The following ATG4C variants were observed in gnomAD, a reference collection of about 807,000 sequenced individuals.
The protein encoded by ATG4C is cysteine protease ATG4C.
ATG4C carries 56 observed loss-of-function variants against 57.6 expected under a neutral mutation model. The observed-to-expected ratio is 0.97, with a 90% CI of 0.78 to 1.21. ATG4C has a LOEUF of 1.21. Ranked by LOEUF, ATG4C falls within the 50% of genes most tolerant of loss-of-function variation. The pLI is 0.00. For synonymous variants in ATG4C, 157 were observed against 174.1 expected (o/e 0.90, Z 0.78); for missense variants, 595 against 529.8 (o/e 1.12, Z -1.21).
In ATG4C at chr1:62,864,629, T is replaced by C. The variant is rs1666953114; in HGVS notation, c.*470T>C. 6.4e-6 allele frequency: 1 copy of C among 155,122 alleles called. No individual in the cohort carries two copies. Among genetic ancestry groups the C allele is most frequent in the Non-Finnish European group, 1.4e-5 (1 of 70,324 alleles). The allele number at this position is 155,122 out of a possible 1,614,324, so 9.6% of individuals were successfully genotyped here. A position where few individuals can be genotyped will look rare whatever the true frequency, so the allele number is the denominator to read the frequency against. On this transcript the variant is annotated 3_prime_UTR_variant, in exon 11 of 11. Coordinates refer to ENST00000317868, the MANE Select transcript of ATG4C (RefSeq NM_032852.4). ...CAATCAAAGAATACTTTTGCATATG[T>C]CTTGATAATTAAATAGTATTTGTTA...
chr1:62,818,452 G>A (rs560083981), intron 4 of ATG4C, among the ~76,000 whole-genome samples: 1 of 152,072 alleles, frequency 6.6e-6, no homozygotes, highest in South Asian at 2.1e-4. Context: ...CTTTATCTCA[G>A]CACTGTCAAA....
chr1:62,830,171 T>A (rs1665794790), intron 7 of ATG4C, among the ~76,000 whole-genome samples: 1 of 152,120 alleles, frequency 6.6e-6, no homozygotes, highest in African/African-American at 2.4e-5. Flanking sequence ...TGGAAGCACA[T>A]TTGTTACTAA....
At chr1:62,855,709 C>T (rs1178674360) in intron 10 of ATG4C, among the ~76,000 whole-genome samples, 7 of 152,288 alleles carry the variant, frequency 4.6e-5, no homozygotes, top group South Asian at 2.1e-4. Context: ...TTCTGAGATA[C>T]GTACTTTTGT....
chr1:62,850,899 T>TAC (rs1212800788), intron 10 of ATG4C, among the ~76,000 whole-genome samples: 9 of 62,594 alleles, frequency 1.4e-4, no homozygotes, highest in Admixed American at 3.1e-4. Context: ...TATATATATA[T>TAC]ATACATACAC....
At chr1:62,784,698 C>T (rs946974837) in intron 1 of ATG4C, among the ~76,000 whole-genome samples, 1 of 152,118 alleles carries the variant, frequency 6.6e-6, no homozygotes, top group African/African-American at 2.4e-5. Flanking sequence ...GTTCTCATTC[C>T]TAGCCTCTTT....
chr1:62,833,604 G>A (rs533374773), intron 7 of ATG4C, among the ~76,000 whole-genome samples: 1 of 152,020 alleles, frequency 6.6e-6, no homozygotes, highest in African/African-American at 2.4e-5. Context: ...GTGATTCTAA[G>A]ACTCAAGGTT....
intron 6 of ATG4C, among the ~76,000 whole-genome samples, chr1:62,825,901 A>G (rs1225705561): frequency 6.6e-6 from 1 of 151,662 alleles, no homozygotes; most frequent in Non-Finnish European, 1.5e-5. Context: ...CTTCAGATAC[A>G]TGAACTGATC....
chr1:62,829,270 T>C, intron 7 of ATG4C, 94 bp downstream of exon 7: 1 of 1,398,498 alleles, frequency 7.2e-7, no homozygotes. Flanking sequence ...TGAGTAGTGA[T>C]GATTTTGTAG....
chr1:62,845,953 C>G (rs1229307427), intron 10 of ATG4C, among the ~76,000 whole-genome samples: 1 of 152,144 alleles, frequency 6.6e-6, no homozygotes, highest in African/African-American at 2.4e-5. Flanking sequence ...CCTCCTGTGT[C>G]AGCCTCCCAA....
chr1:62,803,912 A>G (rs754157369), intron 2 of ATG4C, 50 bp downstream of exon 2: 6 of 1,156,410 alleles, frequency 5.2e-6, no homozygotes, highest in South Asian at 2.9e-5. Context: ...ATATTTGACA[A>G]TATTTATCAT....
chr1:62,848,110 A>G (rs985760005), intron 10 of ATG4C, among the ~76,000 whole-genome samples: 2 of 151,884 alleles, frequency 1.3e-5, no homozygotes, highest in Non-Finnish European at 2.9e-5. Context: ...AAAGCCTCCT[A>G]TTGTGATGGT....
intron 1 of ATG4C, among the ~76,000 whole-genome samples, chr1:62,801,933 G>A (rs1664683217): frequency 2.5e-5 from 3 of 121,906 alleles, no homozygotes. Context: ...ACTCCAGCTT[G>A]GGGGACAGAG....
At chr1:62,789,049 G>C (rs992800473) in intron 1 of ATG4C, among the ~76,000 whole-genome samples, 3 of 152,028 alleles carry the variant, frequency 2.0e-5, no homozygotes, top group African/African-American at 4.8e-5. Flanking sequence ...ATCTGTAGGG[G>C]TGATAAATTG....
intron 10 of ATG4C, among the ~76,000 whole-genome samples, chr1:62,848,981 T>C (rs1389021205): frequency 6.6e-6 from 1 of 152,246 alleles, no homozygotes; most frequent in Non-Finnish European, 1.5e-5. Flanking sequence ...CCTCTCAATT[T>C]GGGTTTGTCT....
intron 10 of ATG4C, among the ~76,000 whole-genome samples, chr1:62,853,682 G>A (rs1208612711): frequency 6.6e-6 from 1 of 152,178 alleles, no homozygotes; most frequent in Non-Finnish European, 1.5e-5. Flanking sequence ...CTGGGCTCAT[G>A]CAATCCTCCT....
intron 9 of ATG4C, among the ~76,000 whole-genome samples, chr1:62,838,955 T>C (rs1398416922): frequency 6.6e-6 from 1 of 152,168 alleles, no homozygotes; most frequent in African/African-American, 2.4e-5. Context: ...AACAATTTAG[T>C]GTTTGTTATT....
chr1:62,844,218 C>T (rs1054486068), intron 10 of ATG4C, among the ~76,000 whole-genome samples: 7 of 152,150 alleles, frequency 4.6e-5, no homozygotes, highest in African/African-American at 1.7e-4. Context: ...GCAAGCCTCC[C>T]ACACAGTCTT....
In ATG4C at chr1:62,816,824, G is replaced by A; in HGVS notation, c.394+16G>A. The A allele has an allele frequency of 2.0e-6, 3 of 1,478,412 alleles. No homozygotes were observed. The highest frequency in any genetic ancestry group is 2.7e-6 in the Non-Finnish European group (3 of 1,106,342). 91.6% of individuals were successfully genotyped at this position (1,478,412 alleles called of 1,614,324 possible). Reference sequence around the variant, plus strand: ...CTTGGTAGAGGTAAATCAAATTTCTGTTTTTGTTTTGTTTTGTTTTGTTTT... The same window carrying A: ...CTTGGTAGAGGTAAATCAAATTTCTATTTTTGTTTTGTTTTGTTTTGTTTT... On this transcript the variant is annotated intron_variant, in intron 4 of 10. Transcript: ENST00000317868.
At chr1:62,791,108 T>C (rs1243713738) in intron 1 of ATG4C, among the ~76,000 whole-genome samples, 1 of 152,214 alleles carries the variant, frequency 6.6e-6, no homozygotes, top group Non-Finnish European at 1.5e-5. Flanking sequence ...GGGGAAAATA[T>C]GTCTCTTAAT....
Sources: gnomAD v4.1 joint callset for allele counts (sites outside exome capture counted in the v4.1 genomes callset) on GRCh38, gnomAD v4.1.1 for gene constraint, MANE v1.5 for transcripts, NCBI Gene and HGNC (gene_info 2026-07-23, HGNC 2026-07-21) for gene names.